The following CCT2 variants were observed in gnomAD, a reference collection of about 807,000 sequenced individuals.
The protein encoded by CCT2 is chaperonin containing TCP1 subunit 2, also known as T-complex protein 1 subunit beta.
In CCT2, 18 loss-of-function variants were observed where a neutral mutation model predicts 61.8. The observed-to-expected ratio is 0.29, with a 90% CI of 0.20 to 0.43. The LOEUF is 0.43. Among genes scored for constraint, CCT2 ranks in the 20% least tolerant of loss-of-function variants. The pLI is 1.00. For missense variants in CCT2, 556 were observed against 656.9 expected, an observed-to-expected ratio of 0.85 and a Z score of 1.68; for synonymous variants, 248 against 215.9, an observed-to-expected ratio of 1.15 and a Z score of -1.30.
intron 6 of CCT2, chr12:69,589,137 AGGCTGG>A: frequency 5.8e-5 from 14 of 239,346 alleles, no homozygotes; most frequent in South Asian, 2.2e-4. Flanking sequence ...CATGTTGCTC[AGGCTGG>A]TCTTGAACTG....
Position 69,588,213 on chromosome 12 carries a change from G to A in CCT2, c.397G>A (p.Ala133Thr), listed in dbSNP as rs777024823. ...GACCATCATAGCGGGTTGGAGAGAA[G>A]CCACGAAGGCTGCAAGAGAGGCGCT... ...PQTIIAGWRE[A>T]TKAAREALLS... The change falls in exon 6 of 16, where the codon GCC becomes ACC. Residue 133 changes from alanine (A) to threonine (T), a missense_variant. By Grantham distance (58) the Ala-to-Thr change is moderately conservative. This residue lies in a region of CCT2 where 308 missense variants were observed against 350.6 expected (regional missense o/e 0.88). Transcript: ENST00000299300. The A allele has an allele frequency of 4.3e-6, 7 of 1,614,070 alleles. No individual in the cohort carries two copies. Among genetic ancestry groups the A allele is most frequent in the Non-Finnish European group, 5.9e-6 (7 of 1,180,042 alleles).
rs748160453 is a variant in CCT2 at position 69,600,052 on chromosome 12, T to C, written c.1577+48T>C. On this transcript the variant is annotated intron_variant, in intron 15 of 15. Coordinates refer to ENST00000299300, the MANE Select transcript of CCT2 (RefSeq NM_006431.3). ...AAAAATTACTAACAGCAAAACAAAA[T>C]AGGGAGCTGTATTTATTTTATAATT... is the stretch of plus-strand genomic sequence containing the variant. 26 of 1,506,692 alleles carry C rather than the reference T, an allele frequency of 1.7e-5. No homozygotes were observed. The Admixed American group carries it at 2.1e-4, about 12-fold the overall frequency. The allele number at this position is 1,506,692 out of a possible 1,614,324, so 93.3% of individuals were successfully genotyped here. A position where few individuals can be genotyped will look rare whatever the true frequency, so the allele number is the denominator to read the frequency against.
rs3177122 is a variant in CCT2, at chr12:69,601,567, A to G, written c.*242A>G. On this transcript the variant is annotated 3_prime_UTR_variant, in exon 16 of 16. Coordinates refer to ENST00000299300, the MANE Select transcript of CCT2 (RefSeq NM_006431.3). ...GTGCATTAAAATAAAAATTTGAACA[A>G]TTACTTGGTTCTTATGTCTTATATG... 0.19 allele frequency: 239,815 copies of G among 1,277,680 alleles called. 23,710 individuals are homozygous for G. Among genetic ancestry groups the G allele is most frequent in the Middle Eastern group, 0.28 (1,051 of 3,802 alleles). The allele number at this position is 1,277,680 out of a possible 1,614,324, so 79.1% of individuals were successfully genotyped here.
At chr12:69,588,347 A>G in intron 6 of CCT2, 85 bp downstream of exon 6, 1 of 975,358 alleles carries the variant, frequency 1.0e-6, no homozygotes, top group South Asian at 1.4e-5. Context: ...GGACACTGAA[A>G]AGCATACACA....
At chr12:69,593,680 A>C (rs1881903250) in intron 10 of CCT2, 67 bp downstream of exon 10, 3 of 908,764 alleles carry the variant, frequency 3.3e-6, no homozygotes, top group Non-Finnish European at 5.4e-6. Flanking sequence ...ATTTGTTACT[A>C]TATGCAACTA....
At chr12:69,598,156 A>G (rs777604373) in intron 13 of CCT2, 85 bp downstream of exon 13, 2 of 1,081,854 alleles carry the variant, frequency 1.8e-6, no homozygotes, top group Non-Finnish European at 2.7e-6. Context: ...ACTGGTTAAT[A>G]CTGCTTTTAA....
In CCT2 at chr12:69,601,365, C is replaced by T. The variant is rs1353009698; in HGVS notation, c.*40C>T. ...TGTCGATCTTTGGACCAGTTTCTAGCAAAGTTGTGTTTGAAAGATACTCTA... is the reference window on the plus strand; with the variant it reads ...TGTCGATCTTTGGACCAGTTTCTAGTAAAGTTGTGTTTGAAAGATACTCTA... On this transcript the variant is annotated 3_prime_UTR_variant, in exon 16 of 16. Transcript: ENST00000299300. The T allele has an allele frequency of 6.2e-7, 1 of 1,613,912 alleles. No individual in the cohort carries two copies. Among genetic ancestry groups the T allele is most frequent in the South Asian group, 1.1e-5 (1 of 91,064 alleles).
intron 1 of CCT2, 89 bp downstream of exon 1, chr12:69,585,613 G>C: frequency 1.3e-6 from 2 of 1,549,182 alleles, no homozygotes; most frequent in South Asian, 2.4e-5. Flanking sequence ...TAGGGTCGTA[G>C]GCTCCGTTTC....
chr12:69,601,284 T>C lies in CCT2; in HGVS notation c.1578-11T>C, dbSNP rs1882139663. On this transcript the variant is annotated splice_polypyrimidine_tract_variant and intron_variant, in intron 15 of 15. Coordinates refer to ENST00000299300, the MANE Select transcript of CCT2 (RefSeq NM_006431.3). ...CATTTTTCACTATTGACTTTTTTCTTACTCTCATAGGAAACGTGTCCCTGA... is the reference window on the plus strand; with the variant it reads ...CATTTTTCACTATTGACTTTTTTCTCACTCTCATAGGAAACGTGTCCCTGA... 6.3e-7 allele frequency: 1 copy of C among 1,588,686 alleles called. No individual in the cohort carries two copies.
At chr12:69,585,682 A>G in intron 1 of CCT2, 158 bp downstream of exon 1, 60 of 1,512,790 alleles carry the variant, frequency 4.0e-5, no homozygotes, top group Non-Finnish European at 5.3e-5. Context: ...GGCCTGCGCC[A>G]GGCCAGCCGG....
chr12:69,589,566 A>G lies in CCT2; in HGVS notation c.528A>G (p.Lys176=). The change falls in exon 7 of 16, where the codon AAA becomes AAG. Residue 176 remains lysine (K), a synonymous_variant. Coordinates refer to ENST00000299300, the MANE Select transcript of CCT2 (RefSeq NM_006431.3). ...TLSSKLLTHH[K]DHFTKLAVEA... ...CCTCAAAACTTCTTACTCATCACAA[A>G]GACCACTTTACAAAGTTAGCTGTAG... is the stretch of plus-strand genomic sequence containing the variant. The G allele has an allele frequency of 6.2e-7, 1 of 1,614,108 alleles. No individual in the cohort carries two copies. Among genetic ancestry groups the G allele is most frequent in the Non-Finnish European group, 8.5e-7 (1 of 1,179,956 alleles).
At chr12:69,599,738 C>A in intron 14 of CCT2, 125 bp from the exon 15 acceptor site, 4 of 666,972 alleles carry the variant, frequency 6.0e-6, no homozygotes, top group Non-Finnish European at 9.5e-6. Context: ...GGCTTATCTA[C>A]CTACTGAGTA....
In CCT2 at chr12:69,601,292, T is replaced by C. The variant is rs1488024632; in HGVS notation, c.1578-3T>C. On this transcript the variant is annotated splice_polypyrimidine_tract_variant and splice_region_variant and intron_variant, in intron 15 of 15. Transcript: ENST00000299300. ...ACTATTGACTTTTTTCTTACTCTCA[T>C]AGGAAACGTGTCCCTGATCACCACC... 4 of 1,598,562 alleles carry C rather than the reference T, an allele frequency of 2.5e-6. No homozygotes were observed. In the South Asian group the frequency reaches 3.4e-5, roughly 14 times the overall value.
At chr12:69,585,886 G>T (rs1186156386) in intron 1 of CCT2, 3 of 1,283,710 alleles carry the variant, frequency 2.3e-6, no homozygotes, top group Non-Finnish European at 3.0e-6. Context: ...GGGTGGAGGG[G>T]CCGCAGCCTT....
At chr12:69,588,040 G>A in intron 5 of CCT2, 34 bp downstream of exon 5, 1 of 1,576,814 alleles carries the variant, frequency 6.3e-7, no homozygotes, top group Non-Finnish European at 8.7e-7. Flanking sequence ...TTTTCCTACT[G>A]TGTTTTTGAG....
chr12:69,590,548 T>C (rs913563097), intron 7 of CCT2, among the ~76,000 whole-genome samples: 3 of 152,040 alleles, frequency 2.0e-5, no homozygotes, highest in Non-Finnish European at 4.4e-5. Flanking sequence ...GGCATTCTTA[T>C]ATAGAGAAGG....
intron 6 of CCT2, among the ~76,000 whole-genome samples, chr12:69,588,684 G>A (rs1881742643): frequency 6.6e-6 from 1 of 152,170 alleles, no homozygotes; most frequent in Admixed American, 6.5e-5. Flanking sequence ...AAATAACTTT[G>A]TGACGTTGCG....
intron 7 of CCT2, among the ~76,000 whole-genome samples, chr12:69,590,539 G>A (rs989720251): frequency 1.3e-5 from 2 of 151,750 alleles, no homozygotes; most frequent in Non-Finnish European, 2.9e-5. Context: ...AAAAGTATAG[G>A]CATTCTTATA....
At chr12:69,589,141 T>TTAAAA in intron 6 of CCT2, 1 of 259,980 alleles carries the variant, frequency 3.8e-6, no homozygotes. Flanking sequence ...TTGCTCAGGC[T>TTAAAA]GGTCTTGAAC....
Sources: allele counts gnomAD v4.1 joint callset (sites outside exome capture counted in the v4.1 genomes callset), GRCh38; gene constraint gnomAD v4.1.1; regional missense constraint gnomAD v4.1.1; transcripts MANE v1.5; gene names NCBI Gene and HGNC (gene_info 2026-07-23, HGNC 2026-07-21).